Variants in AFF3 observed in about 807,000 individuals in gnomAD.
AFF3 encodes ALF transcription elongation factor 3, also known as AF4/FMR2 family member 3.
A neutral mutation model predicts 129.7 loss-of-function variants in AFF3; 32 were observed. The ratio of observed to expected loss-of-function variants is 0.25; its 90% CI spans 0.19 to 0.33. AFF3 has a LOEUF of 0.33. Ranked by LOEUF, AFF3 falls within the 10% of genes least tolerant of loss-of-function variation. AFF3 has a pLI of 1.00. For missense variants in AFF3, 1,373 were observed against 1,592.0 expected, an observed-to-expected ratio of 0.86 and a Z score of 2.34; for synonymous variants, 644 against 635.4, an observed-to-expected ratio of 1.01 and a Z score of -0.20.
chr2:99,935,467 A>T (rs1215637980), intron 7 of AFF3, among the ~76,000 whole-genome samples: 1 of 152,230 alleles, frequency 6.6e-6, no homozygotes. Context: ...CTCTGAAATA[A>T]GGAAGTACTA....
At chr2:99,904,132 C>A (rs1042001496) in intron 7 of AFF3, among the ~76,000 whole-genome samples, 2 of 152,092 alleles carry the variant, frequency 1.3e-5, no homozygotes, top group African/African-American at 4.8e-5. Context: ...TACCATCTGA[C>A]GCTCAGCTGG....
chr2:99,929,145 T>C (rs1284339002), intron 7 of AFF3, among the ~76,000 whole-genome samples: 1 of 152,146 alleles, frequency 6.6e-6, no homozygotes. Flanking sequence ...CTGACCAACA[T>C]GGAGAAACCC....
At chr2:99,816,217 T>C (rs1455696730) in intron 8 of AFF3, among the ~76,000 whole-genome samples, 3 of 152,182 alleles carry the variant, frequency 2.0e-5, no homozygotes, top group Non-Finnish European at 4.4e-5. Flanking sequence ...GTAGTTTCCA[T>C]CTCTTTGGCG....
At chr2:100,065,749 T>C (rs965748642) in intron 4 of AFF3, among the ~76,000 whole-genome samples, 1 of 152,214 alleles carries the variant, frequency 6.6e-6, no homozygotes, top group African/African-American at 2.4e-5. Context: ...TCTCAAAAGA[T>C]ATATTAGAAT....
intron 7 of AFF3, among the ~76,000 whole-genome samples, chr2:99,996,604 T>C (rs1362814677): frequency 6.7e-6 from 1 of 149,534 alleles, no homozygotes; most frequent in East Asian, 2.0e-4. Flanking sequence ...ATGGTCTCGA[T>C]CTCCTGACCT....
intron 18 of AFF3, among the ~76,000 whole-genome samples, chr2:99,576,365 AT>A (rs1341155423): frequency 7.4e-5 from 11 of 149,112 alleles, no homozygotes; most frequent in African/African-American, 2.8e-4. Context: ...AAAAAAAAAA[AT>A]TTAACTGGGT....
Position 99,545,857 on chromosome 2 carries a change from G to A in AFF3, c.*5617C>T, listed in dbSNP as rs914495667. The A allele has an allele frequency of 2.7e-5, 5 of 187,914 alleles. No homozygotes were observed. The highest frequency in any genetic ancestry group is 1.9e-3 in the Middle Eastern group (1 of 518). The allele number at this position is 187,914 out of a possible 1,614,324, so 11.6% of individuals were successfully genotyped here. On this transcript the variant is annotated 3_prime_UTR_variant, in exon 25 of 25. Transcript: ENST00000672756. Reference sequence around the variant, plus strand: ...ATAATAAAAACCAAAACCGTGGGCAGATGTAATTAGTTTGAGAACGGAGTT... The same window carrying A: ...ATAATAAAAACCAAAACCGTGGGCAAATGTAATTAGTTTGAGAACGGAGTT...
Position 99,597,750 on chromosome 2 carries a change from C to A in AFF3, c.1372-3461G>T, listed in dbSNP as rs994927940. On this transcript the variant is annotated intron_variant, in intron 14 of 24. Coordinates refer to ENST00000672756, the MANE Select transcript of AFF3 (RefSeq NM_001386135.1). ...CGCCAGGCCACTGGCATGCGGCTGG[C>A]CACAGTCCGCCTCCTGAGCCGTCCA... Among the ~76,000 whole-genome samples the A allele has an allele frequency of 2.6e-5, 4 of 152,266 alleles. 1 individual carries two copies. The highest frequency in any genetic ancestry group is 9.6e-5 in the African/African-American group (4 of 41,480).
intron 7 of AFF3, among the ~76,000 whole-genome samples, chr2:99,941,820 C>A (rs1037579993): frequency 6.6e-6 from 1 of 152,158 alleles, no homozygotes; most frequent in Admixed American, 6.5e-5. Context: ...GACATGATAA[C>A]GAAAATGAAT....
chr2:100,112,205 G>A (rs930037731), intron 2 of AFF3, among the ~76,000 whole-genome samples: 4 of 152,184 alleles, frequency 2.6e-5, no homozygotes, highest in Admixed American at 6.5e-5. Context: ...CAGAGAGGGC[G>A]AGTCAGTCTC....
At chr2:99,623,023 G>C (rs1342430459) in intron 13 of AFF3, among the ~76,000 whole-genome samples, 2 of 152,186 alleles carry the variant, frequency 1.3e-5, no homozygotes, top group African/African-American at 4.8e-5. Flanking sequence ...TTTGGTGGTC[G>C]AAGGGAGAGA....
At chr2:99,705,874 CAAAAAAAAAAA>C (rs34186291) in intron 11 of AFF3, among the ~76,000 whole-genome samples, 1 of 53,420 alleles carries the variant, frequency 1.9e-5, no homozygotes, top group African/African-American at 7.1e-5. Context: ...AACTGCGCCT[CAAAAAAAAAAA>C]AAAAAAAAAA....
intron 10 of AFF3, among the ~76,000 whole-genome samples, chr2:99,738,429 T>C (rs1004106783): frequency 2.6e-5 from 4 of 151,126 alleles, no homozygotes; most frequent in African/African-American, 7.3e-5. Context: ...AAGTGTTCAT[T>C]TGTTCTGTAA....
At chr2:99,720,752 A>T (rs1268045628) in intron 11 of AFF3, among the ~76,000 whole-genome samples, 1 of 151,798 alleles carries the variant, frequency 6.6e-6, no homozygotes, top group African/African-American at 2.4e-5. Flanking sequence ...TCTATTTTTT[A>T]GTATTTTATT....
chr2:100,023,968 C>T (rs936676266), intron 4 of AFF3, among the ~76,000 whole-genome samples: 1 of 152,106 alleles, frequency 6.6e-6, no homozygotes, highest in Non-Finnish European at 1.5e-5. Flanking sequence ...CACGGTGGCT[C>T]ATGCCTGTAA....
chr2:99,674,613 C>A (rs569565765), intron 11 of AFF3, among the ~76,000 whole-genome samples: 8 of 152,228 alleles, frequency 5.3e-5, no homozygotes, highest in Non-Finnish European at 1.0e-4. Flanking sequence ...GGTGGGTGGT[C>A]CTGCTGGTGG....
intron 7 of AFF3, 63 bp downstream of exon 7, chr2:100,006,569 C>T (rs755112373): frequency 2.0e-6 from 3 of 1,495,876 alleles, no homozygotes; most frequent in African/African-American, 1.4e-5. Context: ...ACTGAATTCA[C>T]GAGGGTCAAA....
chr2:99,699,364 TAAG>T (rs1676615543), intron 11 of AFF3, among the ~76,000 whole-genome samples: 1 of 152,106 alleles, frequency 6.6e-6, no homozygotes, highest in Admixed American at 6.5e-5. Context: ...CATGAAAATG[TAAG>T]AAGAGGGACC....
At chr2:100,100,671 T>C (rs1347076019) in intron 4 of AFF3, among the ~76,000 whole-genome samples, 1 of 152,232 alleles carries the variant, frequency 6.6e-6, no homozygotes, top group African/African-American at 2.4e-5. Flanking sequence ...TACGCCTTAC[T>C]CATCCTTGCA....
Sources: allele counts gnomAD v4.1 joint callset (sites outside exome capture counted in the v4.1 genomes callset), GRCh38; gene constraint gnomAD v4.1.1; transcripts MANE v1.5; gene names NCBI Gene and HGNC (gene_info 2026-07-23, HGNC 2026-07-21).